Variants in CASK observed in about 807,000 individuals in gnomAD.
The protein encoded by CASK is peripheral plasma membrane protein CASK.
A neutral mutation model predicts 82.9 loss-of-function variants in CASK; 4 were observed. The observed-to-expected ratio is 0.05, with a 90% CI of 0.02 to 0.11. The LOEUF is 0.11. Ranked by LOEUF, CASK falls within the 10% of genes least tolerant of loss-of-function variation. CASK has a pLI of 1.00. For missense variants in CASK, 358 were observed against 720.9 expected, an observed-to-expected ratio of 0.50 and a Z score of 5.76; for synonymous variants, 259 against 253.5, an observed-to-expected ratio of 1.02 and a Z score of -0.20.
At chrX:41,608,606 T>C (rs762531354) in intron 12 of CASK, among the ~76,000 whole-genome samples, 7 of 112,589 alleles carry the variant, frequency 6.2e-5, no homozygotes, top group South Asian at 3.7e-4. Flanking sequence ...AGAGTTTTCA[T>C]TGCTGAAGTG....
At chrX:41,693,817 T>C (rs1339391392) in intron 5 of CASK, among the ~76,000 whole-genome samples, 1 of 111,651 alleles carries the variant, frequency 9.0e-6, no homozygotes, top group Non-Finnish European at 1.9e-5. Flanking sequence ...AGGGATTACA[T>C]AACTTCCTCT....
chrX:41,539,250 G>A (rs3013140), intron 22 of CASK, among the ~76,000 whole-genome samples: 4,970 of 111,299 alleles, frequency 0.045, 116 homozygotes, highest in Non-Finnish European at 0.066. Flanking sequence ...ATTTCCTAAC[G>A]ACAAAAATGG....
intron 23 of CASK, 48 bp from the exon 24 acceptor site, chrX:41,534,834 A>G: frequency 8.7e-7 from 1 of 1,154,148 alleles, no homozygotes; most frequent in Non-Finnish European, 1.2e-6. Flanking sequence ...ACTCTTAATA[A>G]TGTTCACAAA....
At chrX:41,779,342 C>T (rs919297061) in intron 3 of CASK, among the ~76,000 whole-genome samples, 2 of 111,997 alleles carry the variant, frequency 1.8e-5, no homozygotes, top group Non-Finnish European at 1.9e-5. Context: ...TGGGGAGACC[C>T]TTGAAAGCTT....
chrX:41,754,482 G>T (rs1461853946), intron 3 of CASK, among the ~76,000 whole-genome samples: 2 of 111,605 alleles, frequency 1.8e-5, no homozygotes, highest in Admixed American at 1.9e-4. Context: ...TAAATTCAAA[G>T]AAATTAGATG....
intron 14 of CASK, among the ~76,000 whole-genome samples, chrX:41,579,420 G>A (rs753568422): frequency 5.4e-5 from 6 of 111,687 alleles, no homozygotes; most frequent in Non-Finnish European, 1.1e-4. Context: ...CAAAGAGAAA[G>A]TGATTTCTTT....
intron 12 of CASK, among the ~76,000 whole-genome samples, chrX:41,609,358 A>G (rs1425054223): frequency 9.0e-6 from 1 of 110,760 alleles, no homozygotes; most frequent in Admixed American, 9.5e-5. Flanking sequence ...CAGGTGATCC[A>G]CCCGCCTTGG....
chrX:41,583,772 C>T (rs948175737), intron 14 of CASK, among the ~76,000 whole-genome samples: 6 of 110,256 alleles, frequency 5.4e-5, no homozygotes, highest in African/African-American at 9.9e-5. Context: ...GACAGGGTCT[C>T]GCTCTGTTGC....
intron 3 of CASK, among the ~76,000 whole-genome samples, chrX:41,763,690 T>G (rs2069050816): frequency 9.0e-6 from 1 of 111,055 alleles, no homozygotes; most frequent in African/African-American, 3.3e-5. Context: ...TATTTCTGTA[T>G]CTTTATAATA....
intron 8 of CASK, among the ~76,000 whole-genome samples, chrX:41,649,203 T>G (rs927140659): frequency 3.6e-5 from 4 of 111,562 alleles, no homozygotes; most frequent in African/African-American, 1.3e-4. Flanking sequence ...AAAAACCAGC[T>G]CCTGGATTCA....
At chrX:41,636,362 A>G (rs998916916) in intron 9 of CASK, among the ~76,000 whole-genome samples, 17 of 112,134 alleles carry the variant, frequency 1.5e-4, no homozygotes, top group African/African-American at 5.5e-4. Context: ...CTAATCTTCT[A>G]TTATAATTTA....
chrX:41,632,574 T>C (rs1402123878), intron 9 of CASK, among the ~76,000 whole-genome samples: 1 of 111,820 alleles, frequency 8.9e-6, no homozygotes, highest in East Asian at 2.8e-4. Flanking sequence ...TTTTATTTAA[T>C]ATTAATTTAT....
chrX:41,642,353 G>C (rs995299651), intron 8 of CASK, among the ~76,000 whole-genome samples: 1 of 112,028 alleles, frequency 8.9e-6, no homozygotes, highest in Non-Finnish European at 1.9e-5. Context: ...CTAGTTTACA[G>C]TCCCACCAAC....
At chrX:41,657,350 A>AT (rs1464419193) in intron 8 of CASK, among the ~76,000 whole-genome samples, 2 of 112,294 alleles carry the variant, frequency 1.8e-5, no homozygotes, top group East Asian at 5.6e-4. Flanking sequence ...AACCAAGACC[A>AT]TTCCTGCTTT....
chrX:41,758,058 T>C (rs1030058329), intron 3 of CASK, among the ~76,000 whole-genome samples: 1 of 112,230 alleles, frequency 8.9e-6, no homozygotes, highest in Admixed American at 9.4e-5. Context: ...TCATTAAACA[T>C]CTACTATTTG....
At position 41,520,397 on chromosome X, in the gene CASK, T is replaced by C. The variant is rs755588250; in HGVS notation, c.*23A>G. The C allele has an allele frequency of 3.4e-6, 4 of 1,174,067 alleles. No individual in the cohort carries two copies. In the East Asian group the frequency reaches 9.0e-5, roughly 26 times the overall value. On this transcript the variant is annotated 3_prime_UTR_variant, in exon 27 of 27. Coordinates refer to ENST00000378163, the MANE Select transcript of CASK (RefSeq NM_001367721.1). ...TCCACAAATGAGGTGCTCCCAGTTA[T>C]GCTCAGATATCTGGGGAGAGGCCTA...
chrX:41,702,647 A>C (rs995793314), intron 5 of CASK, among the ~76,000 whole-genome samples: 1 of 109,725 alleles, frequency 9.1e-6, no homozygotes, highest in African/African-American at 3.3e-5. Context: ...TACAAAAATT[A>C]GCTGGGTGTG....
intron 12 of CASK, among the ~76,000 whole-genome samples, chrX:41,591,278 T>C (rs2065740441): frequency 9.0e-6 from 1 of 111,433 alleles, no homozygotes; most frequent in African/African-American, 3.3e-5. Flanking sequence ...TAGAAATGAA[T>C]TGCACTGCAT....
chrX:41,643,126 T>A (rs2066690528), intron 8 of CASK, among the ~76,000 whole-genome samples: 1 of 111,768 alleles, frequency 8.9e-6, no homozygotes, highest in African/African-American at 3.3e-5. Context: ...TTGGTACGAG[T>A]ACCATGCTGT....
Sources: allele counts gnomAD v4.1 joint callset (sites outside exome capture counted in the v4.1 genomes callset), GRCh38; gene constraint gnomAD v4.1.1; transcripts MANE v1.5; gene names NCBI Gene and HGNC (gene_info 2026-07-23, HGNC 2026-07-21).